PTPRD: variants seen among roughly 807,000 people sequenced by gnomAD.
PTPRD encodes receptor-type tyrosine-protein phosphatase delta.
PTPRD carries 34 observed loss-of-function variants against 214.5 expected under a neutral mutation model. The ratio of observed to expected loss-of-function variants is 0.16; its 90% confidence interval spans 0.12 to 0.21. The LOEUF (loss-of-function observed/expected upper bound fraction) is 0.21. PTPRD is among the 10% of genes least tolerant of loss of function. The pLI is 1.00. For synonymous variants in PTPRD, 1,128 were observed against 845.7 expected, an observed-to-expected ratio of 1.33 and a Z score of -5.79; for missense variants, 2,545 against 2,398.7, an observed-to-expected ratio of 1.06 and a Z score of -1.27.
At chr9:8,849,459 C>G (rs923353926) in intron 11 of PTPRD, among the ~76,000 whole-genome samples, 1 of 152,114 alleles carries the variant, frequency 6.6e-6, no homozygotes, top group African/African-American at 2.4e-5. Flanking sequence ...ATCTCCTGAC[C>G]TCGTGATCCA....
Position 8,934,510 on chromosome 9 carries a change from T to A in PTPRD, c.-104+84187A>T, listed in dbSNP as rs1482079476. Among the ~76,000 whole-genome samples, 140 of 42,360 alleles carry A rather than the reference T, an allele frequency of 3.3e-3. 7 individuals are homozygous for A. The highest frequency in any genetic ancestry group is 0.015 in the African/African-American group (136 of 9,050). 27.8% of individuals were successfully genotyped at this position (42,360 alleles called of 152,430 possible). A position where few individuals can be genotyped will look rare whatever the true frequency, so the allele number is the denominator to read the frequency against. ...ATATATATAAATATATATATAAATATATATATATAAATATATATATATATG... is the reference window on the plus strand; with the variant it reads ...ATATATATAAATATATATATAAATAAATATATATAAATATATATATATATG... On this transcript the variant is annotated intron_variant, in intron 11 of 45. Transcript: ENST00000381196.
At position 8,951,080 on chromosome 9, in the gene PTPRD, T is replaced by C. The variant is rs149559822; in HGVS notation, c.-104+67617A>G. Among the ~76,000 whole-genome samples, 1,110 of 152,056 alleles carry C rather than the reference T, an allele frequency of 7.3e-3. 14 individuals carry two copies. Among genetic ancestry groups the C allele is most frequent in the African/African-American group, 0.025 (1,051 of 41,504 alleles). ...TTTTACATAATGTGAATATTATCTT[T>C]CTTATTTTAAGGCTAAAAGTTTATG... On this transcript the variant is annotated intron_variant, in intron 11 of 45. Transcript: ENST00000381196.
intron 7 of PTPRD, among the ~76,000 whole-genome samples, chr9:9,616,042 C>T (rs1403934324): frequency 6.6e-6 from 1 of 152,098 alleles, no homozygotes; most frequent in Non-Finnish European, 1.5e-5. Context: ...TTCTAGAATG[C>T]ATTAGCCTGT....
At chr9:10,239,761 C>T (rs895872666) in intron 3 of PTPRD, among the ~76,000 whole-genome samples, 22 of 151,658 alleles carry the variant, frequency 1.5e-4, no homozygotes, top group African/African-American at 4.6e-4. Context: ...AAAATGATAA[C>T]GCAATCTGAA....
At position 8,819,745 on chromosome 9, in the gene PTPRD, TGTTA is replaced by T. The variant is rs141967487; in HGVS notation, c.-103-85803_-103-85800del. On this transcript the variant is annotated intron_variant, in intron 11 of 45. Coordinates refer to ENST00000381196, the MANE Select transcript of PTPRD (RefSeq NM_002839.4). Reference sequence around the variant, plus strand: ...GCACTTTCAATAAAATGTGGGAGATTGTTAGTTAAAGTCAGATTCCTTTGTGACA... The same window carrying T: ...GCACTTTCAATAAAATGTGGGAGATTGTTAAAGTCAGATTCCTTTGTGACA... 6.0e-3 allele frequency among the ~76,000 whole-genome samples: 914 copies of T among 152,272 alleles called. 3 individuals carry two copies. The highest frequency in any genetic ancestry group is 0.01 in the Middle Eastern group (3 of 294).
chr9:10,551,786 T>C (rs1364717126), intron 2 of PTPRD, among the ~76,000 whole-genome samples: 1 of 152,130 alleles, frequency 6.6e-6, no homozygotes, highest in Non-Finnish European at 1.5e-5. Context: ...TGTTGGGCTT[T>C]GGCAGGATCC....
chr9:10,476,946 G>T (rs1015401917), intron 2 of PTPRD, among the ~76,000 whole-genome samples: 7 of 152,212 alleles, frequency 4.6e-5, no homozygotes, highest in South Asian at 4.1e-4. Flanking sequence ...CCAGAAAACA[G>T]AAATTGGACC....
chr9:10,125,481 G>A (rs926401144), intron 3 of PTPRD, among the ~76,000 whole-genome samples: 1 of 133,926 alleles, frequency 7.5e-6, no homozygotes, highest in East Asian at 2.2e-4. Flanking sequence ...TTGAGACAGC[G>A]TCTTGCTCTG....
chr9:8,810,448 T>C (rs1262921453), intron 11 of PTPRD, among the ~76,000 whole-genome samples: 1 of 152,088 alleles, frequency 6.6e-6, no homozygotes, highest in Admixed American at 6.5e-5. Context: ...TCTGAGTGGA[T>C]ATTTTGAAGA....
intron 10 of PTPRD, among the ~76,000 whole-genome samples, chr9:9,094,120 G>C (rs1247356042): frequency 1.3e-5 from 2 of 152,076 alleles, no homozygotes; most frequent in African/African-American, 2.4e-5. Flanking sequence ...AGTGGAAATG[G>C]TCACCTGAAT....
intron 2 of PTPRD, among the ~76,000 whole-genome samples, chr9:10,493,113 G>A (rs989385855): frequency 1.2e-4 from 18 of 151,990 alleles, no homozygotes; most frequent in South Asian, 4.1e-4. Flanking sequence ...AGAAACAAAT[G>A]GAAAATCATC....
intron 5 of PTPRD, among the ~76,000 whole-genome samples, chr9:9,808,719 A>G (rs1405500942): frequency 6.6e-6 from 1 of 152,042 alleles, no homozygotes; most frequent in Non-Finnish European, 1.5e-5. Context: ...CCACTCTAAA[A>G]TTGCCTAGAG....
At chr9:9,716,680 T>C (rs1393209646) in intron 7 of PTPRD, among the ~76,000 whole-genome samples, 10 of 152,180 alleles carry the variant, frequency 6.6e-5, no homozygotes, top group African/African-American at 1.4e-4. Context: ...TCATGTCCTT[T>C]GCCCACTTTT....
intron 8 of PTPRD, among the ~76,000 whole-genome samples, chr9:9,478,634 G>A (rs568549352): frequency 6.6e-6 from 1 of 152,276 alleles, no homozygotes; most frequent in Non-Finnish European, 1.5e-5. Flanking sequence ...CTATCCCAAA[G>A]AGTTAGCCTT....
chr9:9,940,205 G>A (rs1256336489), intron 4 of PTPRD, among the ~76,000 whole-genome samples: 1 of 152,114 alleles, frequency 6.6e-6, no homozygotes, highest in Non-Finnish European at 1.5e-5. Flanking sequence ...TCTTGGAGAG[G>A]AGCAATGATC....
intron 11 of PTPRD, among the ~76,000 whole-genome samples, chr9:8,915,638 T>C (rs886523423): frequency 6.6e-6 from 1 of 152,156 alleles, no homozygotes; most frequent in Non-Finnish European, 1.5e-5. Flanking sequence ...GTAGCCTGAA[T>C]GTCAGCAGGA....
chr9:10,325,633 G>A (rs1404795884), intron 3 of PTPRD, among the ~76,000 whole-genome samples: 8 of 151,820 alleles, frequency 5.3e-5, no homozygotes, highest in African/African-American at 1.7e-4. Context: ...GAAGTCATGA[G>A]GCATTAAAAA....
At chr9:9,363,284 C>T (rs541033989) in intron 9 of PTPRD, among the ~76,000 whole-genome samples, 27 of 151,088 alleles carry the variant, frequency 1.8e-4, no homozygotes, top group East Asian at 7.8e-4. Flanking sequence ...AGAATCATAA[C>T]AAGTCTTAAC....
intron 32 of PTPRD, among the ~76,000 whole-genome samples, chr9:8,462,184 C>A (rs1193710292): frequency 6.6e-6 from 1 of 151,952 alleles, no homozygotes; most frequent in Non-Finnish European, 1.5e-5. Flanking sequence ...GATCCTTCTT[C>A]CCTTCCTCCT....
Sources: gnomAD v4.1 joint callset for allele counts (sites outside exome capture counted in the v4.1 genomes callset) on GRCh38, gnomAD v4.1.1 for gene constraint, MANE v1.5 for transcripts, NCBI Gene and HGNC (gene_info 2026-07-23, HGNC 2026-07-21) for gene names.